PLEKHM3: variants seen among roughly 807,000 people sequenced by gnomAD.
PLEKHM3 encodes pleckstrin homology domain-containing family M member 3.
Under a neutral mutation model 81.8 loss-of-function variants are expected in PLEKHM3, and 45 were observed. The ratio of observed to expected loss-of-function variants is 0.55; its 90% CI spans 0.43 to 0.71. The LOEUF is 0.71. PLEKHM3 is among the 30% of genes least tolerant of loss of function. PLEKHM3 has a pLI of 0.00. For missense variants in PLEKHM3, 788 were observed against 924.3 expected, an observed-to-expected ratio of 0.85 and a Z score of 1.91; for synonymous variants, 352 against 356.4, an observed-to-expected ratio of 0.99 and a Z score of 0.14.
chr2:207,829,921 T>C (rs947474605), intron 7 of PLEKHM3, among the ~76,000 whole-genome samples: 2 of 152,096 alleles, frequency 1.3e-5, no homozygotes, highest in African/African-American at 4.8e-5. Context: ...CCCACCACCA[T>C]TCAGGACCCA....
At chr2:207,927,868 G>A (rs1051033416) in intron 5 of PLEKHM3, among the ~76,000 whole-genome samples, 1 of 152,094 alleles carries the variant, frequency 6.6e-6, no homozygotes, top group Non-Finnish European at 1.5e-5. Context: ...CAGGAAGTAT[G>A]GACACCCTGG....
At chr2:207,865,801 A>AAAAAAAAAAAAATATATATATATATAT in intron 6 of PLEKHM3, among the ~76,000 whole-genome samples, 2 of 25,300 alleles carry the variant, frequency 7.9e-5, no homozygotes, top group Non-Finnish European at 7.6e-5. Context: ...AAAAAAAAAA[A>AAAAAAAAAAAAATATATATATATATAT]AGATATATAT....
At position 207,976,773 on chromosome 2, in the gene PLEKHM3, T is replaced by C. The variant is rs1166462243; in HGVS notation, c.1424A>G (p.Asp475Gly). 9 of 1,614,236 alleles carry C rather than the reference T, an allele frequency of 5.6e-6. No individual in the cohort carries two copies. The highest frequency in any genetic ancestry group is 7.6e-6 in the Non-Finnish European group (9 of 1,180,044). Residue 475 changes from aspartate to glycine, a missense_variant, in exon 3 of 8, where the codon GAT becomes GGT. By Grantham distance (94) the Asp-to-Gly change is moderately conservative. Transcript: ENST00000427836. The surrounding 1 kb of genome is among the most constrained non-coding windows in gnomAD (Gnocchi z 4.1). ...LQVTLRNKPK[D>G]QMGGHELRKN... ...CCTGAGTTCATGCCCACCCATTTGATCCTTGGGTTTGTTCCTCAGTGTGAC... is the reference window on the plus strand; with the variant it reads ...CCTGAGTTCATGCCCACCCATTTGACCCTTGGGTTTGTTCCTCAGTGTGAC...
At chr2:208,000,458 C>A (rs545421541) in intron 2 of PLEKHM3, among the ~76,000 whole-genome samples, 1 of 152,300 alleles carries the variant, frequency 6.6e-6, no homozygotes, top group Non-Finnish European at 1.5e-5. Flanking sequence ...CACTGCCATT[C>A]ACTCTTATAT....
intron 1 of PLEKHM3, among the ~76,000 whole-genome samples, chr2:208,009,065 G>C (rs952279664): frequency 2.0e-5 from 3 of 152,226 alleles, no homozygotes; most frequent in Non-Finnish European, 2.9e-5. Context: ...TGCCTACTAT[G>C]GGGGGGACAC....
chr2:207,949,785 T>A lies in PLEKHM3; in HGVS notation c.1547-3273A>T, dbSNP rs184837896. On this transcript the variant is annotated intron_variant, in intron 3 of 7. Transcript: ENST00000427836. ...TCTCACCAAAGAACACTAAAAAAAA[T>A]TTTTTTTGATATAACAGACATCAGT... Among the ~76,000 whole-genome samples, 1,134 of 152,074 alleles carry A rather than the reference T, an allele frequency of 7.5e-3. 12 individuals are homozygous for A. The highest frequency in any genetic ancestry group is 0.023 in the African/African-American group (946 of 41,504).
intron 6 of PLEKHM3, among the ~76,000 whole-genome samples, chr2:207,884,919 T>C (rs987458759): frequency 2.0e-5 from 3 of 152,154 alleles, no homozygotes; most frequent in Admixed American, 1.3e-4. Context: ...AGACTCCATA[T>C]GAACACGGGG....
At chr2:207,879,669 TA>T (rs2092576847) in intron 6 of PLEKHM3, among the ~76,000 whole-genome samples, 1 of 152,144 alleles carries the variant, frequency 6.6e-6, no homozygotes, top group Admixed American at 6.5e-5. Context: ...GAATAACCTC[TA>T]GGGGATGTGT....
At position 207,883,649 on chromosome 2, in the gene PLEKHM3, G is replaced by A. The variant is rs543578312; in HGVS notation, c.1951-22387C>T. Among the ~76,000 whole-genome samples, 154 of 152,288 alleles carry A rather than the reference G, an allele frequency of 1.0e-3. 3 individuals carry two copies. The South Asian group carries it at 0.03, about 29-fold the overall frequency. ...CAGCCCTGGAGTGAGGCAGCTGACC[G>A]TCATCTGAGTCAGCACTCAACTAAC... On this transcript the variant is annotated intron_variant, in intron 6 of 7. Coordinates refer to ENST00000427836, the MANE Select transcript of PLEKHM3 (RefSeq NM_001080475.3).
In PLEKHM3 at chr2:207,840,804, T is replaced by TA. The variant is rs1412767826; in HGVS notation, c.2109-12309_2109-12308insT. Among the ~76,000 whole-genome samples, 280 of 139,548 alleles carry TA rather than the reference T, an allele frequency of 2.0e-3. 11 individuals carry two copies. The highest frequency in any genetic ancestry group is 3.6e-3 in the Middle Eastern group (1 of 278). 91.5% of individuals were successfully genotyped at this position (139,548 alleles called of 152,430 possible). ...AAGCATTTAACACTTTTTATGTTTT[T>TA]TTTTTTTTTTTTTTTTTTGAGACAG... On this transcript the variant is annotated intron_variant, in intron 7 of 7. Coordinates refer to ENST00000427836, the MANE Select transcript of PLEKHM3 (RefSeq NM_001080475.3).
intron 5 of PLEKHM3, among the ~76,000 whole-genome samples, chr2:207,918,048 T>C (rs1300660276): frequency 6.6e-6 from 1 of 152,206 alleles, no homozygotes; most frequent in Non-Finnish European, 1.5e-5. Context: ...AGATTGCTCA[T>C]GCAATCTTTT....
intron 7 of PLEKHM3, among the ~76,000 whole-genome samples, chr2:207,839,698 CTGAGGCAGGA>C (rs2092339384): frequency 1.3e-5 from 2 of 152,210 alleles, no homozygotes; most frequent in Admixed American, 6.5e-5. Flanking sequence ...TTTTGAGAGG[CTGAGGCAGGA>C]TGATCCTGCC....
At chr2:207,920,359 G>A (rs954302996) in intron 5 of PLEKHM3, among the ~76,000 whole-genome samples, 9 of 152,116 alleles carry the variant, frequency 5.9e-5, no homozygotes, top group Non-Finnish European at 1.0e-4. Flanking sequence ...CATTTATACC[G>A]TAATGGGCTA....
At chr2:207,916,336 AG>A (rs1387232624) in intron 5 of PLEKHM3, among the ~76,000 whole-genome samples, 7 of 152,232 alleles carry the variant, frequency 4.6e-5, no homozygotes, top group Admixed American at 2.0e-4. Flanking sequence ...TAAAAATGAT[AG>A]ATTATATCAT....
chr2:207,837,722 G>A (rs1250025915), intron 7 of PLEKHM3, among the ~76,000 whole-genome samples: 5 of 140,846 alleles, frequency 3.5e-5, no homozygotes, highest in Admixed American at 7.6e-5. Flanking sequence ...AAAGTGCTGG[G>A]ATTACAGCTG....
At chr2:207,954,592 AT>A (rs1690444101) in intron 3 of PLEKHM3, among the ~76,000 whole-genome samples, 1 of 152,218 alleles carries the variant, frequency 6.6e-6, no homozygotes. Flanking sequence ...AACCAAAAAA[AT>A]AAAATCAATT....
intron 6 of PLEKHM3, among the ~76,000 whole-genome samples, chr2:207,867,168 C>G (rs908543013): frequency 6.6e-6 from 1 of 152,112 alleles, no homozygotes; most frequent in African/African-American, 2.4e-5. Flanking sequence ...TGTCTTGTGT[C>G]GCAAACATTT....
chr2:207,908,559 G>A lies in PLEKHM3; in HGVS notation c.1905C>T (p.Tyr635=), dbSNP rs1417014184. The change falls in exon 6 of 8, where the codon TAC becomes TAT. Residue 635 remains tyrosine (Y), a synonymous_variant. Coordinates refer to ENST00000427836, the MANE Select transcript of PLEKHM3 (RefSeq NM_001080475.3). ...DLRRRIFPRE[Y]LLQQIHLYSL... is the part of the protein sequence containing the mutation. ...AATACAGGTGGATCTGTTGAAGGAG[G>A]TATTCTCTGGGGAAAATTCTGAAAA... The A allele has an allele frequency of 3.1e-6, 5 of 1,612,854 alleles. No individual in the cohort carries two copies. The highest frequency in any genetic ancestry group is 4.2e-6 in the Non-Finnish European group (5 of 1,179,532).
chr2:208,015,208 A>C (rs189778390), intron 1 of PLEKHM3, among the ~76,000 whole-genome samples: 373 of 152,334 alleles, frequency 2.4e-3, no homozygotes, highest in Middle Eastern at 6.8e-3. Context: ...AAAAAGATGA[A>C]GTTACTTATC....
Sources: gnomAD v4.1 joint callset for allele counts (sites outside exome capture counted in the v4.1 genomes callset) on GRCh38, gnomAD v4.1.1 for gene constraint, Gnocchi (gnomAD v3.1) non-coding constraint, MANE v1.5 for transcripts, NCBI Gene and HGNC (gene_info 2026-07-23, HGNC 2026-07-21) for gene names.